Variants in FTO observed in about 807,000 individuals in gnomAD.
The protein encoded by FTO is FTO alpha-ketoglutarate dependent dioxygenase.
FTO carries 47 observed loss-of-function variants against 63.9 expected under a neutral mutation model. The observed-to-expected ratio is 0.74, with a 90% CI of 0.58 to 0.94. The LOEUF (loss-of-function observed/expected upper bound fraction) is 0.94, where lower values mean the gene tolerates loss of function less well. Among genes scored for constraint, FTO ranks in the 40% least tolerant of loss-of-function variants. The pLI, the probability that FTO is intolerant of heterozygous loss-of-function variation, is 0.00. For missense variants in FTO, 562 were observed against 618.1 expected, an observed-to-expected ratio of 0.91 and a Z score of 0.96; for synonymous variants, 207 against 224.4, an observed-to-expected ratio of 0.92 and a Z score of 0.69.
intron 8 of FTO, among the ~76,000 whole-genome samples, chr16:53,967,906 A>C (rs915475831): frequency 6.6e-6 from 1 of 152,128 alleles, no homozygotes; most frequent in African/African-American, 2.4e-5. Flanking sequence ...GCAGGAATGG[A>C]GTTGTGTGGT....
intron 8 of FTO, among the ~76,000 whole-genome samples, chr16:54,034,625 G>C (rs1320979309): frequency 6.6e-6 from 1 of 152,102 alleles, no homozygotes; most frequent in Non-Finnish European, 1.5e-5. Flanking sequence ...ATAAGACCAG[G>C]TAATAGAGCT....
chr16:53,930,831 G>C (rs2143193385), intron 7 of FTO, among the ~76,000 whole-genome samples: 1 of 152,240 alleles, frequency 6.6e-6, no homozygotes, highest in South Asian at 2.1e-4. Flanking sequence ...CCTTGATAAA[G>C]CACATAACTA....
At chr16:53,787,494 T>C (rs1323643781) in intron 1 of FTO, among the ~76,000 whole-genome samples, 3 of 151,880 alleles carry the variant, frequency 2.0e-5, no homozygotes, top group African/African-American at 7.3e-5. Context: ...TGGATATCCC[T>C]GTTGGTTGAA....
chr16:54,061,649 A>C (rs1304957076), intron 8 of FTO: 1 of 152,082 alleles, frequency 6.6e-6, no homozygotes, highest in Non-Finnish European at 1.5e-5. Context: ...GCACGCATGC[A>C]CTTGTGTTTC....
intron 1 of FTO, among the ~76,000 whole-genome samples, chr16:53,736,470 G>T (rs2076393902): frequency 6.6e-6 from 1 of 151,428 alleles, no homozygotes; most frequent in African/African-American, 2.4e-5. Flanking sequence ...CCTATCTTCT[G>T]TCACTCACCA....
At chr16:53,893,708 G>A (rs1424160698) in intron 7 of FTO, among the ~76,000 whole-genome samples, 1 of 151,096 alleles carries the variant, frequency 6.6e-6, no homozygotes, top group African/African-American at 2.4e-5. Flanking sequence ...GGAAATATTC[G>A]ACAATCGTTT....
At chr16:53,849,566 C>T (rs1007478528) in intron 4 of FTO, among the ~76,000 whole-genome samples, 1 of 152,192 alleles carries the variant, frequency 6.6e-6, no homozygotes, top group Non-Finnish European at 1.5e-5. Context: ...TATCAGAGCC[C>T]TGTAGTAATC....
intron 8 of FTO, chr16:54,039,298 A>AT (rs1227060220): frequency 2.0e-5 from 3 of 152,002 alleles, no homozygotes; most frequent in African/African-American, 7.3e-5. Flanking sequence ...GAGGAGGGAG[A>AT]TTTTCTCAAG....
intron 1 of FTO, among the ~76,000 whole-genome samples, chr16:53,742,125 A>G (rs1450888875): frequency 6.6e-6 from 1 of 152,160 alleles, no homozygotes; most frequent in African/African-American, 2.4e-5. Flanking sequence ...GTTTGTTAGA[A>G]GTGAATTTCT....
intron 6 of FTO, among the ~76,000 whole-genome samples, chr16:53,885,993 G>A (rs553304761): frequency 7.9e-5 from 12 of 152,178 alleles, no homozygotes; most frequent in Non-Finnish European, 1.5e-4. Context: ...GGGCTCAAGT[G>A]ATTCTCCTGC....
At chr16:54,095,248 C>T (rs1488046725) in intron 8 of FTO, among the ~76,000 whole-genome samples, 2 of 152,134 alleles carry the variant, frequency 1.3e-5, no homozygotes, top group Non-Finnish European at 1.5e-5. Flanking sequence ...CTCTGTTGCC[C>T]AGGCTGGTCT....
chr16:53,794,145 G>A lies in FTO; in HGVS notation c.46-15995G>A, dbSNP rs184233673. On this transcript the variant is annotated intron_variant, in intron 1 of 8. Transcript: ENST00000471389. ...ATGTACCATAGCATTTTTCTGGAGC[G>A]TAATTTCACAATGTGAATCAGAAGT... Among the ~76,000 whole-genome samples the A allele has an allele frequency of 2.0e-4, 31 of 152,232 alleles. No individual in the cohort carries two copies. The East Asian group carries it at 5.2e-3, about 26-fold the overall frequency.
intron 1 of FTO, among the ~76,000 whole-genome samples, chr16:53,712,975 A>G (rs2075811522): frequency 6.7e-6 from 1 of 149,334 alleles, no homozygotes; most frequent in Non-Finnish European, 1.5e-5. Context: ...TTTGTCATTC[A>G]CCATTTTATC....
At chr16:54,091,015 C>CT (rs2144553451) in intron 8 of FTO, among the ~76,000 whole-genome samples, 1 of 152,216 alleles carries the variant, frequency 6.6e-6, no homozygotes, top group East Asian at 1.9e-4. Flanking sequence ...AACTGCCAGG[C>CT]TTTTTTAAGG....
At chr16:53,880,053 G>C in intron 6 of FTO, 66 bp downstream of exon 6, 1 of 1,235,596 alleles carries the variant, frequency 8.1e-7, no homozygotes, top group South Asian at 1.3e-5. Context: ...GGAGTGCAGC[G>C]GCATGACCTC....
chr16:54,012,373 G>T (rs1335094587), intron 8 of FTO, among the ~76,000 whole-genome samples: 1 of 152,182 alleles, frequency 6.6e-6, no homozygotes, highest in African/African-American at 2.4e-5. Flanking sequence ...AGGTAGCAGA[G>T]GATGGTTCAT....
At chr16:53,812,740 G>T (rs1485609720) in intron 2 of FTO, among the ~76,000 whole-genome samples, 1 of 152,196 alleles carries the variant, frequency 6.6e-6, no homozygotes, top group African/African-American at 2.4e-5. Flanking sequence ...CATCTGGAAA[G>T]ATTTGACAGA....
intron 8 of FTO, among the ~76,000 whole-genome samples, chr16:54,029,163 T>C (rs1187398833): frequency 2.0e-5 from 3 of 152,178 alleles, no homozygotes; most frequent in Non-Finnish European, 4.4e-5. Flanking sequence ...GGAAAACTCA[T>C]TTAGGCTGTT....
chr16:53,707,132 A>G (rs1384732285), intron 1 of FTO, among the ~76,000 whole-genome samples: 1 of 152,210 alleles, frequency 6.6e-6, no homozygotes, highest in African/African-American at 2.4e-5. Flanking sequence ...GAAATTTATT[A>G]TCTTACAGTT....
Sources: gnomAD v4.1 joint callset for allele counts (sites outside exome capture counted in the v4.1 genomes callset) on GRCh38, gnomAD v4.1.1 for gene constraint, MANE v1.5 for transcripts, NCBI Gene and HGNC (gene_info 2026-07-23, HGNC 2026-07-21) for gene names.